SPAG16: variants seen among roughly 807,000 people sequenced by gnomAD.
SPAG16 encodes sperm-associated antigen 16 protein.
SPAG16 carries 86 observed loss-of-function variants against 80.4 expected under a neutral mutation model. The ratio of observed to expected loss-of-function variants is 1.07; its 90% CI spans 0.90 to 1.28. The LOEUF (loss-of-function observed/expected upper bound fraction) is 1.28, where lower values mean the gene tolerates loss of function less well. SPAG16 is among the 50% of genes most tolerant of loss of function. The pLI is 0.00. For synonymous variants in SPAG16, 294 were observed against 265.9 expected (o/e 1.11, Z -1.03); for missense variants, 870 against 765.3 (o/e 1.14, Z -1.61).
intron 15 of SPAG16, among the ~76,000 whole-genome samples, chr2:214,370,381 C>T (rs1406530428): frequency 6.6e-6 from 1 of 152,094 alleles, no homozygotes; most frequent in Non-Finnish European, 1.5e-5. Flanking sequence ...GATTGCTGTG[C>T]TGTGTATTAA....
intron 10 of SPAG16, among the ~76,000 whole-genome samples, chr2:213,589,754 T>A (rs1207410499): frequency 2.0e-5 from 3 of 152,034 alleles, no homozygotes; most frequent in African/African-American, 7.2e-5. Context: ...AAATCCCGTC[T>A]GTACTAAAAA....
intron 10 of SPAG16, among the ~76,000 whole-genome samples, chr2:213,698,688 T>C (rs1225881350): frequency 4.6e-5 from 7 of 152,200 alleles, no homozygotes; most frequent in Non-Finnish European, 1.0e-4. Flanking sequence ...TATACTCTGT[T>C]CTGTACACCT....
chr2:214,175,306 TATATATAAA>T (rs1294828595), intron 15 of SPAG16, among the ~76,000 whole-genome samples: 2 of 145,864 alleles, frequency 1.4e-5, no homozygotes, highest in East Asian at 3.9e-4. Flanking sequence ...TAAAGAAATA[TATATATAAA>T]GAAATATATA....
intron 14 of SPAG16, among the ~76,000 whole-genome samples, chr2:214,144,775 T>TTA (rs1219995414): frequency 1.3e-5 from 2 of 152,004 alleles, no homozygotes; most frequent in Non-Finnish European, 2.9e-5. Context: ...AAAAAGGTAT[T>TTA]TATATATATA....
At chr2:213,656,626 AC>A (rs1490034457) in intron 10 of SPAG16, among the ~76,000 whole-genome samples, 1 of 152,204 alleles carries the variant, frequency 6.6e-6, no homozygotes, top group Non-Finnish European at 1.5e-5. Flanking sequence ...CAAGGAAGAA[AC>A]CTAGGCCTTC....
At chr2:214,410,056 G>T in intron 15 of SPAG16, 84 bp from the exon 16 acceptor site, 1 of 1,465,540 alleles carries the variant, frequency 6.8e-7, no homozygotes, top group South Asian at 1.2e-5. Context: ...GAAAAAAATA[G>T]AATGCTTCAT....
intron 9 of SPAG16, among the ~76,000 whole-genome samples, chr2:213,474,308 C>T (rs2073256361): frequency 6.6e-6 from 1 of 152,020 alleles, no homozygotes; most frequent in Non-Finnish European, 1.5e-5. Flanking sequence ...TCTTTTTTTC[C>T]ACAATTTCAG....
chr2:213,574,141 T>G (rs1172412982), intron 10 of SPAG16, among the ~76,000 whole-genome samples: 1 of 152,222 alleles, frequency 6.6e-6, no homozygotes, highest in Non-Finnish European at 1.5e-5. Context: ...TTTTCTCTAC[T>G]TGTAGGTTAT....
chr2:213,550,759 A>G (rs2076755861), intron 10 of SPAG16, among the ~76,000 whole-genome samples: 1 of 152,162 alleles, frequency 6.6e-6, no homozygotes, highest in Non-Finnish European at 1.5e-5. Context: ...TGGGGAATAA[A>G]AAATAGTAAA....
intron 10 of SPAG16, among the ~76,000 whole-genome samples, chr2:213,644,673 TC>T (rs1320720932): frequency 1.3e-5 from 2 of 152,240 alleles, no homozygotes; most frequent in Non-Finnish European, 2.9e-5. Context: ...CTTGTTCTCT[TC>T]CCTTCCTTTC....
In SPAG16 at chr2:214,135,258, C is replaced by T. The variant is rs74995045; in HGVS notation, c.1594-13882C>T. ...TGTTTTTCTTCCTCTTGGTCCAAGC[C>T]AGGGTCACAGTAGAGTTCAGTAAAT... is the stretch of plus-strand genomic sequence containing the variant. On this transcript the variant is annotated intron_variant, in intron 14 of 15. Coordinates refer to ENST00000331683, the MANE Select transcript of SPAG16 (RefSeq NM_024532.5). 3.7e-4 allele frequency among the ~76,000 whole-genome samples: 56 copies of T among 152,274 alleles called. 1 individual carries two copies. In the East Asian group the frequency reaches 0.01, roughly 28 times the overall value.
intron 15 of SPAG16, among the ~76,000 whole-genome samples, chr2:214,258,164 G>T (rs1690833977): frequency 6.6e-6 from 1 of 151,936 alleles, no homozygotes. Flanking sequence ...CTTTAGCAGT[G>T]ATTTCTGAGA....
intron 10 of SPAG16, among the ~76,000 whole-genome samples, chr2:213,825,938 C>T (rs1559499616): frequency 6.6e-6 from 1 of 151,580 alleles, no homozygotes; most frequent in Non-Finnish European, 1.5e-5. Flanking sequence ...TCATTACTTA[C>T]TATTGGTCTG....
intron 14 of SPAG16, among the ~76,000 whole-genome samples, chr2:214,140,022 A>G (rs572927900): frequency 6.6e-6 from 1 of 152,284 alleles, no homozygotes; most frequent in East Asian, 1.9e-4. Context: ...TCTCCCATGT[A>G]CTGGTTTATT....
chr2:213,641,060 G>C (rs1047873621), intron 10 of SPAG16, among the ~76,000 whole-genome samples: 5 of 152,166 alleles, frequency 3.3e-5, no homozygotes, highest in African/African-American at 1.2e-4. Context: ...CCATCAGGTC[G>C]GGGCAGGGTT....
intron 13 of SPAG16, among the ~76,000 whole-genome samples, chr2:214,094,484 A>C (rs2125329991): frequency 6.6e-6 from 1 of 152,238 alleles, no homozygotes; most frequent in Non-Finnish European, 1.5e-5. Context: ...TTTCTGTAAA[A>C]ATATGCGTTA....
chr2:214,140,941 G>T (rs1171666524), intron 14 of SPAG16, among the ~76,000 whole-genome samples: 3 of 96,998 alleles, frequency 3.1e-5, no homozygotes, highest in South Asian at 5.0e-4. Context: ...GGTGGGGGGG[G>T]GGGGGTGGGG....
At chr2:214,163,372 C>A (rs944218875) in intron 15 of SPAG16, among the ~76,000 whole-genome samples, 2 of 151,376 alleles carry the variant, frequency 1.3e-5, no homozygotes, top group Admixed American at 6.6e-5. Context: ...TGTTTTTCTC[C>A]CCAATCTGAT....
intron 15 of SPAG16, among the ~76,000 whole-genome samples, chr2:214,176,364 A>G (rs901564105): frequency 1.3e-5 from 2 of 151,298 alleles, no homozygotes; most frequent in Admixed American, 1.3e-4. Flanking sequence ...AAACTACAGG[A>G]TATACCTGTA....
Sources: allele counts gnomAD v4.1 joint callset (sites outside exome capture counted in the v4.1 genomes callset), GRCh38; gene constraint gnomAD v4.1.1; transcripts MANE v1.5; gene names NCBI Gene and HGNC (gene_info 2026-07-23, HGNC 2026-07-21).